The following SORCS3 variants were observed in gnomAD, a reference collection of about 807,000 sequenced individuals.
SORCS3 encodes the protein VPS10 domain-containing receptor SorCS3.
Under a neutral mutation model 146.3 loss-of-function variants are expected in SORCS3, and 57 were observed. The observed-to-expected ratio is 0.39, with a 90% confidence interval of 0.31 to 0.49. SORCS3 has a LOEUF of 0.49. Among genes scored for constraint, SORCS3 ranks in the 20% least tolerant of loss-of-function variants. SORCS3 has a pLI of 0.92. For missense variants in SORCS3, 1,341 were observed against 1,575.5 expected (o/e 0.85, Z 2.52); for synonymous variants, 653 against 618.5 (o/e 1.06, Z -0.83).
At chr10:105,118,207 G>T (rs768623093) in intron 7 of SORCS3, among the ~76,000 whole-genome samples, 1 of 152,094 alleles carries the variant, frequency 6.6e-6, no homozygotes, top group Non-Finnish European at 1.5e-5. Context: ...TGCTGTTCTC[G>T]TAAAAGTGAG....
chr10:105,214,561 G>A lies in SORCS3; in HGVS notation c.2495G>A (p.Arg832Gln), dbSNP rs202092284. The change falls in exon 18 of 27, where the codon CGG (arginine) becomes CAG (glutamine). Residue 832 changes from arginine to glutamine, a missense_variant. Transcript: ENST00000369701. ...RGLHVVTTDG[R>Q]LVAEQGHNAT... ...CTCCATGTGGTGACGACCGATGGGC[G>A]GCTGGTGGCAGAGCAGGGGCACAAT... 3.4e-5 allele frequency: 55 copies of A among 1,610,080 alleles called. No homozygotes were observed. The East Asian group carries it at 3.6e-4, about 10-fold the overall frequency.
intron 1 of SORCS3, among the ~76,000 whole-genome samples, chr10:104,807,229 G>T (rs2017688524): frequency 6.6e-6 from 1 of 151,930 alleles, no homozygotes; most frequent in African/African-American, 2.4e-5. Context: ...GTGCATGCAT[G>T]CGTGCGCATG....
chr10:105,238,405 G>A (rs1329604103), intron 20 of SORCS3, among the ~76,000 whole-genome samples: 2 of 152,190 alleles, frequency 1.3e-5, no homozygotes, highest in Non-Finnish European at 2.9e-5. Flanking sequence ...TGATGGATAT[G>A]CAGACATTGT....
intron 14 of SORCS3, among the ~76,000 whole-genome samples, chr10:105,179,913 G>A (rs2056432667): frequency 6.6e-6 from 1 of 152,132 alleles, no homozygotes; most frequent in African/African-American, 2.4e-5. Context: ...AATAAAGTAG[G>A]TCATTCAAAT....
At chr10:104,716,394 A>G (rs1050890316) in intron 1 of SORCS3, among the ~76,000 whole-genome samples, 1 of 152,086 alleles carries the variant, frequency 6.6e-6, no homozygotes, top group Admixed American at 6.6e-5. Context: ...GCATAATGAA[A>G]ACATTAGGTA....
rs879896057 is a variant in SORCS3 at position 104,878,090 on chromosome 10, CT to C, written c.695+35241del. 6.9e-3 allele frequency among the ~76,000 whole-genome samples: 1,037 copies of C among 149,624 alleles called. 16 individuals are homozygous for C. Among genetic ancestry groups the C allele is most frequent in the Non-Finnish European group, 7.5e-3 (507 of 67,186 alleles). On this transcript the variant is annotated intron_variant, in intron 2 of 26. Transcript: ENST00000369701. ...TTCAATTGCATTTGTTTATGAAATT[CT>C]TTTTTTTTTCCATTAGCTCAGGAAC...
chr10:104,767,937 G>A (rs547656739), intron 1 of SORCS3, among the ~76,000 whole-genome samples: 2 of 151,722 alleles, frequency 1.3e-5, no homozygotes, highest in Non-Finnish European at 2.9e-5. Flanking sequence ...TAGTTTTACT[G>A]TAGGCATTGC....
rs994159210 is a variant in SORCS3 at position 104,735,473 on chromosome 10, TTTTTA to T, written c.627+93520_627+93524del. Among the ~76,000 whole-genome samples the T allele has an allele frequency of 3.8e-4, 55 of 143,390 alleles. 1 individual carries two copies. The highest frequency in any genetic ancestry group is 1.9e-3 in the Admixed American group (27 of 14,230). The allele number at this position is 143,390 out of a possible 152,430, so 94.1% of individuals were successfully genotyped here. ...CACCGTCTGTTTTTTTTTTTTTTTT[TTTTTA>T]ATCAATCCCTTTGTTTCTTTAGGAG... On this transcript the variant is annotated intron_variant, in intron 1 of 26. Transcript: ENST00000369701.
At chr10:105,204,332 CTT>C (rs2056590023) in intron 16 of SORCS3, among the ~76,000 whole-genome samples, 1 of 152,076 alleles carries the variant, frequency 6.6e-6, no homozygotes, top group African/African-American at 2.4e-5. Context: ...TCAAACAAGT[CTT>C]TATTATTTTA....
At chr10:104,675,119 A>G (rs1201974190) in intron 1 of SORCS3, among the ~76,000 whole-genome samples, 1 of 152,206 alleles carries the variant, frequency 6.6e-6, no homozygotes, top group Non-Finnish European at 1.5e-5. Flanking sequence ...TTCCTTGCCA[A>G]TGCCTAATTT....
At chr10:105,219,662 T>G (rs1163989221) in intron 19 of SORCS3, among the ~76,000 whole-genome samples, 2 of 152,222 alleles carry the variant, frequency 1.3e-5, no homozygotes, top group Non-Finnish European at 2.9e-5. Context: ...TGGTGCATGA[T>G]GAATTAGAGT....
At chr10:104,960,492 G>T (rs7893226) in intron 3 of SORCS3, among the ~76,000 whole-genome samples, 1 of 152,064 alleles carries the variant, frequency 6.6e-6, no homozygotes, top group Non-Finnish European at 1.5e-5. Context: ...AGAGTCCCAA[G>T]GTGGCACAGG....
intron 8 of SORCS3, among the ~76,000 whole-genome samples, chr10:105,143,802 T>C (rs2056111783): frequency 6.6e-6 from 1 of 152,154 alleles, no homozygotes; most frequent in Non-Finnish European, 1.5e-5. Context: ...TTTGTCCTAC[T>C]CCCTTCTCCC....
chr10:104,717,393 C>A (rs995140359), intron 1 of SORCS3, among the ~76,000 whole-genome samples: 1 of 151,494 alleles, frequency 6.6e-6, no homozygotes, highest in African/African-American at 2.4e-5. Flanking sequence ...AGGTTTCCTT[C>A]TGTTCTCCAG....
At chr10:105,085,169 A>G (rs1444530655) in intron 5 of SORCS3, among the ~76,000 whole-genome samples, 2 of 152,220 alleles carry the variant, frequency 1.3e-5, no homozygotes, top group Non-Finnish European at 2.9e-5. Flanking sequence ...ATGCTGCTGA[A>G]TATTCTGGAA....
chr10:104,978,882 C>A (rs200972457), intron 4 of SORCS3, among the ~76,000 whole-genome samples: 1 of 152,156 alleles, frequency 6.6e-6, no homozygotes, highest in East Asian at 1.9e-4. Flanking sequence ...TATTACCAGC[C>A]CCTGCCTGAT....
chr10:104,727,815 G>A (rs951811135), intron 1 of SORCS3, among the ~76,000 whole-genome samples: 2 of 151,988 alleles, frequency 1.3e-5, no homozygotes, highest in African/African-American at 4.8e-5. Context: ...TATTATAGGA[G>A]CATGAACCTT....
intron 4 of SORCS3, among the ~76,000 whole-genome samples, chr10:105,017,765 A>C (rs141009665): frequency 8.5e-4 from 129 of 152,264 alleles, no homozygotes; most frequent in African/African-American, 3.0e-3. Context: ...TGTTGGGTCT[A>C]AACATGCAGT....
chr10:105,108,142 T>G (rs768493556), intron 7 of SORCS3, among the ~76,000 whole-genome samples: 1 of 152,110 alleles, frequency 6.6e-6, no homozygotes, highest in Non-Finnish European at 1.5e-5. Context: ...TATTGCTGTT[T>G]TATTTAGGGA....
Sources: gnomAD v4.1 joint callset for allele counts (sites outside exome capture counted in the v4.1 genomes callset) on GRCh38, gnomAD v4.1.1 for gene constraint, MANE v1.5 for transcripts, NCBI Gene and HGNC (gene_info 2026-07-23, HGNC 2026-07-21) for gene names.